Variants in KAZN observed in about 807,000 individuals in gnomAD.
KAZN encodes the protein kazrin.
A neutral mutation model predicts 87.4 loss-of-function variants in KAZN; 40 were observed. The observed-to-expected ratio is 0.46, with a 90% CI of 0.36 to 0.60. The LOEUF (loss-of-function observed/expected upper bound fraction) is 0.60. Among genes scored for constraint, KAZN ranks in the 20% least tolerant of loss-of-function variants. The probability of loss-of-function intolerance (pLI) is 0.00; values close to 1 mark genes in which losing one functional copy is unlikely to be tolerated. For synonymous variants in KAZN, 466 were observed against 458.3 expected (o/e 1.02, Z -0.22); for missense variants, 898 against 1,073.9 (o/e 0.84, Z 2.29).
chr1:13,980,362 A>G (rs573161473), intron 1 of KAZN, among the ~76,000 whole-genome samples: 1 of 152,330 alleles, frequency 6.6e-6, no homozygotes, highest in East Asian at 1.9e-4. Flanking sequence ...TTTAAAACAT[A>G]TAACTATATG....
At chr1:14,928,393 G>A (rs1208025225) in intron 1 of KAZN, among the ~76,000 whole-genome samples, 1 of 150,648 alleles carries the variant, frequency 6.6e-6, no homozygotes, top group Non-Finnish European at 1.5e-5. Flanking sequence ...AGCTTGCAGT[G>A]AACCGAGATC....
chr1:14,093,656 G>GAA (rs201064638), intron 1 of KAZN, among the ~76,000 whole-genome samples: 2 of 146,494 alleles, frequency 1.4e-5, no homozygotes, highest in Non-Finnish European at 3.0e-5. Context: ...TAAGTCTGCT[G>GAA]AAAAAAAAAC....
At chr1:14,851,853 A>G (rs1649484149) in intron 1 of KAZN, among the ~76,000 whole-genome samples, 1 of 152,130 alleles carries the variant, frequency 6.6e-6, no homozygotes, top group African/African-American at 2.4e-5. Flanking sequence ...CGATCGCTCC[A>G]CTAACCACCC....
chr1:15,099,894 A>G lies in KAZN; in HGVS notation c.1548-1649A>G, dbSNP rs1640978116. ...AGAGAAGTGGACAGAGGATGCACTG[A>G]CCAGAGTGACCGACAGACAAGGACG... On this transcript the variant is annotated intron_variant, in intron 10 of 14. Transcript: ENST00000376030. This position sits in a 1 kb window ranked among gnomAD's most constrained non-coding sequence, Gnocchi z 5.4. Among the ~76,000 whole-genome samples the G allele has an allele frequency of 6.6e-6, 1 of 152,128 alleles. No homozygotes were observed.
intron 8 of KAZN, chr1:15,067,034 G>C (rs961729624): frequency 1.7e-5 from 17 of 985,498 alleles, no homozygotes; most frequent in Non-Finnish European, 1.3e-5. Flanking sequence ...CACATCCAAG[G>C]GTACGACCAG....
chr1:14,869,826 G>A lies in KAZN; in HGVS notation c.227-90858G>A, dbSNP rs537128683. Among the ~76,000 whole-genome samples, 13 of 152,312 alleles carry A rather than the reference G, an allele frequency of 8.5e-5. No individual in the cohort carries two copies. The East Asian group carries it at 2.1e-3, about 25-fold the overall frequency. ...GCTGCGAGGAGCAGGTTTAATTAGC[G>A]CACAGACCTGCTGGAAAAATCCAGT... On this transcript the variant is annotated intron_variant, in intron 1 of 14. Coordinates refer to ENST00000376030, the MANE Select transcript of KAZN (RefSeq NM_201628.3).
At chr1:14,633,780 G>T (rs1679753139) in intron 1 of KAZN, among the ~76,000 whole-genome samples, 1 of 152,020 alleles carries the variant, frequency 6.6e-6, no homozygotes, top group South Asian at 2.1e-4. Context: ...CAGTGCCTTG[G>T]GGACATGATT....
rs574493672 is a variant in KAZN, at chr1:14,525,712, T to C, written c.250-73271T>C. On this transcript the variant is annotated intron_variant, in intron 2 of 16. Coordinates refer to the KAZN transcript ENST00000636203. ...AAATGATTGTAAATGTTGTTTGGCT[T>C]ACCAGATCAATCCACAAAAGTCAAT... 2.6e-5 allele frequency among the ~76,000 whole-genome samples: 4 copies of C among 152,390 alleles called. No individual in the cohort carries two copies. The East Asian group carries it at 7.7e-4, about 29-fold the overall frequency.
intron 1 of KAZN, among the ~76,000 whole-genome samples, chr1:14,125,606 G>A (rs1387824690): frequency 6.6e-6 from 1 of 152,150 alleles, no homozygotes; most frequent in Non-Finnish European, 1.5e-5. Flanking sequence ...AAGGGACTAT[G>A]GTTCCCTGGA....
In KAZN at chr1:15,112,466, C is replaced by T. The variant is rs1641674376; in HGVS notation, c.2088C>T (p.Pro696=). 1 of 1,607,754 alleles carries T rather than the reference C, an allele frequency of 6.2e-7. No homozygotes were observed. Among genetic ancestry groups the T allele is most frequent in the African/African-American group, 1.3e-5 (1 of 74,828 alleles). Residue 696 remains proline (P), a synonymous_variant, in exon 14 of 15, where the codon CCC becomes CCT. Transcript: ENST00000376030. The part of the protein sequence containing the change: ...GIREAERFGT[P]PGRASSVTRA... Reference sequence around the variant, plus strand: ...GGGAGGCTGAGCGTTTTGGAACGCCCCCTGGCAGGGCCTCCAGCGTCACGC... The same window carrying T: ...GGGAGGCTGAGCGTTTTGGAACGCCTCCTGGCAGGGCCTCCAGCGTCACGC...
intron 1 of KAZN, among the ~76,000 whole-genome samples, chr1:13,997,934 C>T (rs1474384475): frequency 4.0e-5 from 6 of 151,738 alleles, no homozygotes; most frequent in East Asian, 3.9e-4. Context: ...TCTCCAAGGT[C>T]GAAATGAAGG....
rs533318209 is a variant in KAZN, at chr1:14,388,143, G to A, written c.249+207551G>A. 3.9e-3 allele frequency among the ~76,000 whole-genome samples: 594 copies of A among 152,178 alleles called. 4 individuals are homozygous for A. The highest frequency in any genetic ancestry group is 0.013 in the African/African-American group (550 of 41,468). Reference sequence around the variant, plus strand: ...AACTCCCTGATCCCTTGCGCTTCCCGAGTGAGGCAATGCCTCGCCCTGCTT... The same window carrying A: ...AACTCCCTGATCCCTTGCGCTTCCCAAGTGAGGCAATGCCTCGCCCTGCTT... On this transcript the variant is annotated intron_variant, in intron 2 of 16. Transcript: ENST00000636203.
At chr1:14,212,642 G>A (rs998436935) in intron 2 of KAZN, among the ~76,000 whole-genome samples, 1 of 152,098 alleles carries the variant, frequency 6.6e-6, no homozygotes, top group Admixed American at 6.6e-5. Flanking sequence ...AATGAGAGGA[G>A]GTAGGTATAT....
chr1:15,038,453 G>A (rs1161973940), intron 3 of KAZN, among the ~76,000 whole-genome samples: 3 of 151,984 alleles, frequency 2.0e-5, no homozygotes, highest in Non-Finnish European at 4.4e-5. Context: ...CTGTATACAG[G>A]CATGAACATG....
At chr1:14,932,900 G>A (rs1184214730) in intron 1 of KAZN, among the ~76,000 whole-genome samples, 1 of 151,812 alleles carries the variant, frequency 6.6e-6, no homozygotes, top group Non-Finnish European at 1.5e-5. Flanking sequence ...AGTGTTGAAG[G>A]GCCATCACCA....
intron 2 of KAZN, among the ~76,000 whole-genome samples, chr1:14,520,737 G>T (rs1671542325): frequency 6.6e-6 from 1 of 152,190 alleles, no homozygotes; most frequent in Non-Finnish European, 1.5e-5. Flanking sequence ...ACCATTAATA[G>T]CCTGTGATCA....
At chr1:14,580,864 A>G (rs1675504092) in intron 2 of KAZN, among the ~76,000 whole-genome samples, 1 of 152,124 alleles carries the variant, frequency 6.6e-6, no homozygotes, top group Admixed American at 6.5e-5. Context: ...GTCATCGCTT[A>G]CTCAGCCTAT....
intron 1 of KAZN, among the ~76,000 whole-genome samples, chr1:14,804,297 C>T (rs796758952): frequency 2.0e-4 from 31 of 152,324 alleles, no homozygotes; most frequent in African/African-American, 6.7e-4. Flanking sequence ...CAAAGGAAAG[C>T]TGATGAGCAA....
At chr1:14,861,342 G>A (rs1028442343) in intron 1 of KAZN, among the ~76,000 whole-genome samples, 2 of 152,200 alleles carry the variant, frequency 1.3e-5, no homozygotes, top group African/African-American at 4.8e-5. Flanking sequence ...TTGCACCACT[G>A]CACTCCAGCT....
Sources: gnomAD v4.1 joint callset for allele counts (sites outside exome capture counted in the v4.1 genomes callset) on GRCh38, gnomAD v4.1.1 for gene constraint, Gnocchi (gnomAD v3.1) non-coding constraint, MANE v1.5 for transcripts, NCBI Gene and HGNC (gene_info 2026-07-23, HGNC 2026-07-21) for gene names.